SOX5: variants seen among roughly 807,000 people sequenced by gnomAD.
SOX5 encodes the protein transcription factor SOX-5.
In SOX5, 9 loss-of-function variants were observed where a neutral mutation model predicts 92.0. That is an observed-to-expected ratio of 0.10 (90% CI 0.06 to 0.17). The LOEUF is 0.17. SOX5 is among the 10% of genes least tolerant of loss of function. SOX5 has a pLI of 1.00. For missense variants in SOX5, 642 were observed against 944.5 expected, an observed-to-expected ratio of 0.68 and a Z score of 4.20; for synonymous variants, 344 against 336.3, an observed-to-expected ratio of 1.02 and a Z score of -0.25.
chr12:23,866,263 ATATT>A (rs1425775100), intron 2 of SOX5, among the ~76,000 whole-genome samples: 1 of 152,236 alleles, frequency 6.6e-6, no homozygotes, highest in African/African-American at 2.4e-5. Context: ...TCAGTAATAT[ATATT>A]TATGATTTGG....
At chr12:24,398,191 C>A (rs7300469) in intron 1 of SOX5, among the ~76,000 whole-genome samples, 100,993 of 152,048 alleles carry the variant, frequency 0.66, 34,158 homozygotes, top group African/African-American at 0.73. Flanking sequence ...TCATTCTTTC[C>A]TCTGGAATAT....
At chr12:23,901,663 T>C (rs577125925) in intron 1 of SOX5, among the ~76,000 whole-genome samples, 17 of 152,324 alleles carry the variant, frequency 1.1e-4, no homozygotes, top group Non-Finnish European at 1.6e-4. Flanking sequence ...ACTTGATATA[T>C]TTTACACTTA....
At chr12:24,482,741 T>C (rs1472298385) in intron 1 of SOX5, among the ~76,000 whole-genome samples, 1 of 152,214 alleles carries the variant, frequency 6.6e-6, no homozygotes, top group African/African-American at 2.4e-5. Flanking sequence ...AGAATGTGCT[T>C]TTAAAGGACT....
Position 23,568,738 on chromosome 12 carries a change from C to T in SOX5, c.1343-5335G>A, listed in dbSNP as rs900723660. ...AACCCTGACAGTTTCACTTCTTCCT[C>T]GCTCTCAAATTTGCTTCTCCATCCT... On this transcript the variant is annotated intron_variant, in intron 10 of 14. Transcript: ENST00000451604. 1.1e-4 allele frequency among the ~76,000 whole-genome samples: 16 copies of T among 152,222 alleles called. No individual in the cohort carries two copies. In the East Asian group the frequency reaches 1.4e-3, roughly 13 times the overall value.
intron 11 of SOX5, among the ~76,000 whole-genome samples, chr12:23,555,770 C>A (rs1384247605): frequency 6.6e-6 from 1 of 152,150 alleles, no homozygotes; most frequent in African/African-American, 2.4e-5. Flanking sequence ...TGCATAGTTA[C>A]CACTGCTGGA....
chr12:23,534,054 C>T lies in SOX5; in HGVS notation c.*165G>A. The stretch of plus-strand genomic sequence containing the variant: ...TTGTATTTGTTTTTTCTTTCCAAGC[C>T]TTTTGAGGCTGAGGTCTATTAGTCA... On this transcript the variant is annotated 3_prime_UTR_variant, in exon 15 of 15. Coordinates refer to ENST00000451604, the MANE Select transcript of SOX5 (RefSeq NM_006940.6). 2 of 592,698 alleles carry T rather than the reference C, an allele frequency of 3.4e-6. No individual in the cohort carries two copies. Among genetic ancestry groups the T allele is most frequent in the Non-Finnish European group, 6.0e-6 (2 of 335,118 alleles). The allele number at this position is 592,698 out of a possible 1,614,324, so 36.7% of individuals were successfully genotyped here.
chr12:24,436,591 A>G (rs1939470122), intron 1 of SOX5, among the ~76,000 whole-genome samples: 2 of 152,222 alleles, frequency 1.3e-5, no homozygotes, highest in Non-Finnish European at 2.9e-5. Flanking sequence ...CCATAACATA[A>G]AAGTGCAAGG....
intron 3 of SOX5, among the ~76,000 whole-genome samples, chr12:23,779,052 T>C (rs2095197011): frequency 6.6e-6 from 1 of 152,180 alleles, no homozygotes; most frequent in Non-Finnish European, 1.5e-5. Context: ...TTATGACCAA[T>C]ATGTGTGGCT....
chr12:24,510,613 G>A (rs771984792), intron 1 of SOX5, among the ~76,000 whole-genome samples: 31 of 152,194 alleles, frequency 2.0e-4, no homozygotes, highest in Admixed American at 8.5e-4. Context: ...AGAAACACAT[G>A]GGCAAGCTTT....
intron 6 of SOX5, among the ~76,000 whole-genome samples, chr12:23,708,954 A>C (rs1429728015): frequency 6.6e-6 from 1 of 152,160 alleles, no homozygotes; most frequent in Non-Finnish European, 1.5e-5. Flanking sequence ...TTACATTTAA[A>C]CATACAAGAT....
At chr12:24,516,191 C>T (rs2955491) in intron 1 of SOX5, among the ~76,000 whole-genome samples, 12,510 of 151,810 alleles carry the variant, frequency 0.082, 580 homozygotes, top group South Asian at 0.14. Context: ...TACAAGCATG[C>T]GCCACCATGC....
chr12:23,988,250 T>C (rs1187766858), intron 4 of SOX5, among the ~76,000 whole-genome samples: 1 of 152,134 alleles, frequency 6.6e-6, no homozygotes, highest in Non-Finnish European at 1.5e-5. Flanking sequence ...AAGATGCATA[T>C]CAGACATTTG....
At chr12:23,849,275 T>A (rs1031477529) in intron 2 of SOX5, among the ~76,000 whole-genome samples, 2 of 152,204 alleles carry the variant, frequency 1.3e-5, no homozygotes, top group Non-Finnish European at 2.9e-5. Context: ...AAGTTCATAC[T>A]TAGAAACATT....
At chr12:24,304,361 C>A (rs148903022) in intron 2 of SOX5, among the ~76,000 whole-genome samples, 2 of 152,042 alleles carry the variant, frequency 1.3e-5, no homozygotes, top group Non-Finnish European at 2.9e-5. Flanking sequence ...CAGAAAGGAC[C>A]ATGAATGCAA....
At chr12:23,839,453 GAAAATC>G (rs1476247778) in intron 3 of SOX5, among the ~76,000 whole-genome samples, 2 of 151,998 alleles carry the variant, frequency 1.3e-5, no homozygotes, top group African/African-American at 4.8e-5. Flanking sequence ...CATCTCAAAT[GAAAATC>G]AAAAATTAAC....
chr12:24,353,673 C>T (rs1954413301), intron 2 of SOX5, among the ~76,000 whole-genome samples: 1 of 152,000 alleles, frequency 6.6e-6, no homozygotes, highest in African/African-American at 2.4e-5. Flanking sequence ...TGGAGTCTTG[C>T]TCTGTCACCC....
At chr12:23,960,600 T>A (rs1400449507) in intron 4 of SOX5, among the ~76,000 whole-genome samples, 1 of 147,972 alleles carries the variant, frequency 6.8e-6, no homozygotes, top group East Asian at 2.0e-4. Flanking sequence ...GTCCACTAAT[T>A]AGGGATACAA....
intron 4 of SOX5, among the ~76,000 whole-genome samples, chr12:24,193,130 C>T (rs1237640627): frequency 4.6e-5 from 7 of 152,112 alleles, no homozygotes; most frequent in African/African-American, 9.7e-5. Context: ...AAAACTGTAG[C>T]GCCATATATC....
intron 8 of SOX5, 138 bp from the exon 9 acceptor site, chr12:23,604,671 A>C (rs1016645787): frequency 9.3e-6 from 7 of 751,578 alleles, no homozygotes; most frequent in Non-Finnish European, 1.3e-5. Flanking sequence ...ATTTAAAGAA[A>C]GAAGCTGTCA....
Sources: gnomAD v4.1 joint callset for allele counts (sites outside exome capture counted in the v4.1 genomes callset) on GRCh38, gnomAD v4.1.1 for gene constraint, MANE v1.5 for transcripts, NCBI Gene and HGNC (gene_info 2026-07-23, HGNC 2026-07-21) for gene names.